XPR1: variants seen among roughly 807,000 people sequenced by gnomAD.
XPR1 encodes solute carrier family 53 member 1.
In XPR1, 28 loss-of-function variants were observed where a neutral mutation model predicts 87.5. That is an observed-to-expected ratio of 0.32 (90% confidence interval 0.24 to 0.44). The LOEUF (loss-of-function observed/expected upper bound fraction) is 0.44. XPR1 is among the 20% of genes least tolerant of loss of function. The pLI is 1.00. For synonymous variants in XPR1, 300 were observed against 306.1 expected, an observed-to-expected ratio of 0.98 and a Z score of 0.21; for missense variants, 559 against 862.3, an observed-to-expected ratio of 0.65 and a Z score of 4.41.
intron 2 of XPR1, among the ~76,000 whole-genome samples, chr1:180,699,229 TATACTCTAA>T (rs1553238081): frequency 6.8e-6 from 1 of 146,296 alleles, no homozygotes; most frequent in Non-Finnish European, 1.5e-5. Flanking sequence ...TTTTTTTTAT[TATACTCTAA>T]GTTTTAGGGT....
chr1:180,806,412 T>C, intron 5 of XPR1, 62 bp from the exon 6 acceptor site: 1 of 1,562,428 alleles, frequency 6.4e-7, no homozygotes, highest in African/African-American at 1.4e-5. Context: ...TGGTACAGAA[T>C]TATTTGTGCA....
At chr1:180,680,654 G>A (rs570058081) in intron 1 of XPR1, among the ~76,000 whole-genome samples, 19 of 152,038 alleles carry the variant, frequency 1.2e-4, no homozygotes, top group African/African-American at 4.6e-4. Context: ...TGAGCACTGC[G>A]CCCGGCCCAA....
chr1:180,801,185 A>G (rs1649768390), intron 3 of XPR1, among the ~76,000 whole-genome samples: 1 of 152,234 alleles, frequency 6.6e-6, no homozygotes, highest in Non-Finnish European at 1.5e-5. Context: ...CAGGGAACCC[A>G]TCTCAATAGA....
chr1:180,739,815 A>G (rs1015035791), intron 2 of XPR1, among the ~76,000 whole-genome samples: 3 of 152,000 alleles, frequency 2.0e-5, no homozygotes, highest in Non-Finnish European at 4.4e-5. Flanking sequence ...ATCTCGGCTC[A>G]CTGCAACCTC....
In XPR1 at chr1:180,875,793, T is replaced by A. The variant is rs191447056; in HGVS notation, c.1808+1851T>A. 3.6e-3 allele frequency among the ~76,000 whole-genome samples: 543 copies of A among 152,018 alleles called. 5 individuals are homozygous for A. The highest frequency in any genetic ancestry group is 0.019 in the South Asian group (90 of 4,816). On this transcript the variant is annotated intron_variant, in intron 13 of 14. Coordinates refer to ENST00000367590, the MANE Select transcript of XPR1 (RefSeq NM_004736.4). ...AAAGCCAAACTTAATTTCCTTAAAATGCCAAATACTGTTGATAAAGTACTT... is the reference window on the plus strand; with the variant it reads ...AAAGCCAAACTTAATTTCCTTAAAAAGCCAAATACTGTTGATAAAGTACTT...
intron 11 of XPR1, among the ~76,000 whole-genome samples, chr1:180,855,856 C>T (rs950990925): frequency 3.3e-5 from 5 of 152,046 alleles, no homozygotes; most frequent in African/African-American, 1.2e-4. Flanking sequence ...TAATCTAAAC[C>T]CCTTTTTACT....
intron 2 of XPR1, among the ~76,000 whole-genome samples, chr1:180,760,118 A>G (rs1404519332): frequency 2.0e-5 from 3 of 152,216 alleles, no homozygotes; most frequent in Non-Finnish European, 2.9e-5. Context: ...GTATCTCAAA[A>G]TAATAAGAGC....
At position 180,825,079 on chromosome 1, in the gene XPR1, T is replaced by C. The variant is rs1425627338; in HGVS notation, c.955-86T>C. The stretch of plus-strand genomic sequence containing the variant: ...TAATAACTAATCATGTTTCTTACTT[T>C]TGTTTTATTAAAGATATTTTAAGTA... On this transcript the variant is annotated intron_variant, in intron 8 of 14. Coordinates refer to ENST00000367590, the MANE Select transcript of XPR1 (RefSeq NM_004736.4). 2.0e-6 allele frequency: 3 copies of C among 1,510,086 alleles called. No homozygotes were observed. In the East Asian group the frequency reaches 6.9e-5, roughly 35 times the overall value. 93.5% of individuals were successfully genotyped at this position (1,510,086 alleles called of 1,614,324 possible).
intron 1 of XPR1, among the ~76,000 whole-genome samples, chr1:180,661,918 TG>T (rs1655793160): frequency 6.6e-6 from 1 of 152,110 alleles, no homozygotes; most frequent in East Asian, 1.9e-4. Context: ...TATTTTAAAC[TG>T]ATGACAACAC....
At chr1:180,789,938 T>C (rs1286140461) in intron 3 of XPR1, among the ~76,000 whole-genome samples, 1 of 152,162 alleles carries the variant, frequency 6.6e-6, no homozygotes. Context: ...CCTCAAAGCT[T>C]CCTGTGGGTC....
At chr1:180,807,890 G>A (rs1271517068) in intron 6 of XPR1, among the ~76,000 whole-genome samples, 1 of 152,114 alleles carries the variant, frequency 6.6e-6, no homozygotes, top group Non-Finnish European at 1.5e-5. Flanking sequence ...TGTAATCCCA[G>A]CTACTTGAGA....
intron 2 of XPR1, among the ~76,000 whole-genome samples, chr1:180,780,218 C>G (rs1648882966): frequency 6.6e-6 from 1 of 152,156 alleles, no homozygotes; most frequent in South Asian, 2.1e-4. Flanking sequence ...CTATTTTTAA[C>G]TTTTTGAGGA....
chr1:180,850,513 T>C (rs1276903286), intron 11 of XPR1, among the ~76,000 whole-genome samples: 2 of 152,204 alleles, frequency 1.3e-5, no homozygotes, highest in Non-Finnish European at 2.9e-5. Flanking sequence ...TGCTTAAAGA[T>C]GTACTCCAAT....
intron 2 of XPR1, among the ~76,000 whole-genome samples, chr1:180,698,368 A>T (rs1657238391): frequency 6.6e-6 from 1 of 152,174 alleles, no homozygotes; most frequent in Non-Finnish European, 1.5e-5. Context: ...ATGTTTAAAA[A>T]ATCCATTCAG....
At chr1:180,811,355 A>G (rs1477555688) in intron 6 of XPR1, 52 bp from the exon 7 acceptor site, 5 of 1,398,950 alleles carry the variant, frequency 3.6e-6, no homozygotes, top group Non-Finnish European at 5.1e-6. Flanking sequence ...AGCATATAGT[A>G]AATACAATCA....
At chr1:180,647,733 C>G (rs12085218) in intron 1 of XPR1, among the ~76,000 whole-genome samples, 1 of 151,922 alleles carries the variant, frequency 6.6e-6, no homozygotes, top group Non-Finnish European at 1.5e-5. Context: ...AACCCCATCT[C>G]TACTGAAAAT....
At chr1:180,722,433 T>C (rs1015254763) in intron 2 of XPR1, among the ~76,000 whole-genome samples, 2 of 152,186 alleles carry the variant, frequency 1.3e-5, no homozygotes, top group African/African-American at 4.8e-5. Context: ...CACTCAGTTA[T>C]ATGTTTTGAT....
At chr1:180,661,270 A>G (rs1655764304) in intron 1 of XPR1, among the ~76,000 whole-genome samples, 1 of 151,958 alleles carries the variant, frequency 6.6e-6, no homozygotes, top group Non-Finnish European at 1.5e-5. Flanking sequence ...CTTGTAGGCA[A>G]CAGATCTTGT....
intron 11 of XPR1, among the ~76,000 whole-genome samples, chr1:180,848,697 A>G (rs1453370864): frequency 6.6e-6 from 1 of 152,106 alleles, no homozygotes; most frequent in African/African-American, 2.4e-5. Flanking sequence ...TGGAATTGCT[A>G]GATCACGTGG....
Sources: allele counts gnomAD v4.1 joint callset (sites outside exome capture counted in the v4.1 genomes callset), GRCh38; gene constraint gnomAD v4.1.1; transcripts MANE v1.5; gene names NCBI Gene and HGNC (gene_info 2026-07-23, HGNC 2026-07-21).